The following ARSB variants were observed in gnomAD, a reference collection of about 807,000 sequenced individuals.
ARSB encodes the protein N-acetylgalactosamine-4-sulfatase.
Under a neutral mutation model 50.9 loss-of-function variants are expected in ARSB, and 41 were observed. The ratio of observed to expected loss-of-function variants is 0.81; its 90% CI spans 0.63 to 1.04. The LOEUF is 1.04. ARSB is among the 50% of genes least tolerant of loss of function. ARSB has a pLI of 0.00. For missense variants in ARSB, 672 were observed against 693.3 expected (o/e 0.97, Z 0.35); for synonymous variants, 269 against 284.8 (o/e 0.94, Z 0.56).
At chr5:78,889,887 C>T (rs999210801) in intron 4 of ARSB, among the ~76,000 whole-genome samples, 5 of 152,182 alleles carry the variant, frequency 3.3e-5, no homozygotes, top group African/African-American at 9.7e-5. Flanking sequence ...CTGGGGCTTA[C>T]CCTAGTCATC....
At chr5:78,935,503 G>A (rs1317486670) in intron 4 of ARSB, among the ~76,000 whole-genome samples, 2 of 152,190 alleles carry the variant, frequency 1.3e-5, no homozygotes, top group Admixed American at 1.3e-4. Context: ...CGTGGCAGGT[G>A]TGCCGCTGAT....
chr5:78,872,936 G>A (rs1006444691), intron 5 of ARSB, among the ~76,000 whole-genome samples: 11 of 151,766 alleles, frequency 7.2e-5, no homozygotes, highest in East Asian at 1.9e-4. Context: ...CCACTCCTAC[G>A]GATTGCCTGC....
In ARSB at chr5:78,871,148, G is replaced by A. The variant is rs554775520; in HGVS notation, c.1142+14436C>T. On this transcript the variant is annotated intron_variant, in intron 5 of 7. Coordinates refer to ENST00000264914, the MANE Select transcript of ARSB (RefSeq NM_000046.5). Reference sequence around the variant, plus strand: ...TCTTCAAGGAGAACTACAAACCACTGCTCAAGGAAATAAAAGAGGATACAA... The same window carrying A: ...TCTTCAAGGAGAACTACAAACCACTACTCAAGGAAATAAAAGAGGATACAA... Among the ~76,000 whole-genome samples the A allele has an allele frequency of 1.7e-4, 26 of 149,630 alleles. No homozygotes were observed. In the South Asian group the frequency reaches 5.7e-3, roughly 33 times the overall value.
chr5:78,985,368 G>A (rs1239737298), upstream of ARSB: 1 of 1,044,490 alleles, frequency 9.6e-7, no homozygotes, highest in East Asian at 3.5e-5. Context: ...CCCCCAGCGG[G>A]CCGTGGGCTT....
chr5:78,871,345 C>A (rs1386759249), intron 5 of ARSB, among the ~76,000 whole-genome samples: 1 of 151,960 alleles, frequency 6.6e-6, no homozygotes, highest in East Asian at 1.9e-4. Flanking sequence ...CAAAAAAGAG[C>A]CCTCATTGCC....
intron 4 of ARSB, among the ~76,000 whole-genome samples, chr5:78,940,648 C>G (rs936032287): frequency 1.3e-5 from 2 of 152,190 alleles, no homozygotes; most frequent in African/African-American, 4.8e-5. Flanking sequence ...GTCTATATCT[C>G]TGTTTTGGTA....
At chr5:78,878,107 G>C (rs1353246607) in intron 5 of ARSB, among the ~76,000 whole-genome samples, 1 of 152,096 alleles carries the variant, frequency 6.6e-6, no homozygotes. Flanking sequence ...TAAATAAAAA[G>C]AGCATTAGTA....
intron 6 of ARSB, among the ~76,000 whole-genome samples, chr5:78,789,783 G>C (rs1051403703): frequency 9.2e-5 from 14 of 152,122 alleles, no homozygotes; most frequent in African/African-American, 3.4e-4. Flanking sequence ...TTAAGCACTT[G>C]GTGTCTAATT....
intron 2 of ARSB, 47 bp from the exon 3 acceptor site, chr5:78,964,653 TAAAC>T (rs1235337151): frequency 3.2e-6 from 5 of 1,554,990 alleles, no homozygotes; most frequent in Non-Finnish European, 4.4e-6. Flanking sequence ...TAAAACTTGT[TAAAC>T]AAACTAATGT....
chr5:78,964,710 G>T, intron 2 of ARSB, 104 bp from the exon 3 acceptor site: 1 of 1,096,100 alleles, frequency 9.1e-7, no homozygotes, highest in Non-Finnish European at 1.4e-6. Flanking sequence ...CCCGTGACGA[G>T]GCTAATCAAA....
intron 4 of ARSB, among the ~76,000 whole-genome samples, chr5:78,886,721 T>C (rs1490637468): frequency 1.3e-5 from 2 of 151,974 alleles, no homozygotes; most frequent in Non-Finnish European, 2.9e-5. Context: ...CAGATTTAGG[T>C]GACTTTAGAG....
At chr5:78,845,639 G>C (rs1285482726) in intron 5 of ARSB, among the ~76,000 whole-genome samples, 1 of 151,990 alleles carries the variant, frequency 6.6e-6, no homozygotes, top group African/African-American at 2.4e-5. Context: ...GTGATGTTGA[G>C]CATTTTTAAA....
At chr5:78,919,093 GAGA>G (rs1749689463) in intron 4 of ARSB, among the ~76,000 whole-genome samples, 2 of 152,220 alleles carry the variant, frequency 1.3e-5, no homozygotes, top group Non-Finnish European at 2.9e-5. Flanking sequence ...TCCAATCTGA[GAGA>G]AGAAGGTGGA....
At chr5:78,928,305 CTTTT>C (rs34737292) in intron 4 of ARSB, among the ~76,000 whole-genome samples, 14,292 of 72,170 alleles carry the variant, frequency 0.2, 2,577 homozygotes, top group East Asian at 0.44. Context: ...TTTGCTTTTG[CTTTT>C]TTTTTTTTTT....
At chr5:78,795,367 G>T (rs1312197287) in intron 6 of ARSB, among the ~76,000 whole-genome samples, 1 of 152,174 alleles carries the variant, frequency 6.6e-6, no homozygotes, top group Non-Finnish European at 1.5e-5. Context: ...AGGTACATGT[G>T]GGGAGTGAGG....
At chr5:78,960,580 T>C (rs7704110) in intron 3 of ARSB, among the ~76,000 whole-genome samples, 40,307 of 152,048 alleles carry the variant, frequency 0.27, 6,650 homozygotes, top group African/African-American at 0.47. Flanking sequence ...TGTTTGTTTT[T>C]CTTGAGATGG....
rs1748859136 is a variant in ARSB at position 78,779,332 on chromosome 5, T to A, written c.*1065A>T. ...TCCTCTGCTTTACCAAGGCCCAGTA[T>A]CCCAGACACTGGCCACTTGCTTTTT... On this transcript the variant is annotated 3_prime_UTR_variant, in exon 8 of 8. Coordinates refer to ENST00000264914, the MANE Select transcript of ARSB (RefSeq NM_000046.5). The A allele has an allele frequency of 1.3e-5, 2 of 152,282 alleles. No homozygotes were observed. The highest frequency in any genetic ancestry group is 1.9e-4 in the East Asian group (1 of 5,186). 9.4% of individuals were successfully genotyped at this position (152,282 alleles called of 1,614,324 possible).
chr5:78,851,700 T>A (rs1457893340), intron 5 of ARSB, among the ~76,000 whole-genome samples: 1 of 152,220 alleles, frequency 6.6e-6, no homozygotes, highest in Non-Finnish European at 1.5e-5. Flanking sequence ...AGTCTAAGTC[T>A]CTTTGTAGGT....
rs563211572 is a variant in ARSB at position 78,798,596 on chromosome 5, G to A, written c.1214-16622C>T. On this transcript the variant is annotated intron_variant, in intron 6 of 7. Coordinates refer to ENST00000264914, the MANE Select transcript of ARSB (RefSeq NM_000046.5). Reference sequence around the variant, plus strand: ...AGGCTGAGCTCACCCTGTGTTGTACGGTTCATATTCCGGTGTGCAGGAAAG... The same window carrying A: ...AGGCTGAGCTCACCCTGTGTTGTACAGTTCATATTCCGGTGTGCAGGAAAG... 5.3e-5 allele frequency among the ~76,000 whole-genome samples: 8 copies of A among 152,238 alleles called. No individual in the cohort carries two copies. In the East Asian group the frequency reaches 1.2e-3, roughly 22 times the overall value.
Sources: gnomAD v4.1 joint callset for allele counts (sites outside exome capture counted in the v4.1 genomes callset) on GRCh38, gnomAD v4.1.1 for gene constraint, MANE v1.5 for transcripts, NCBI Gene and HGNC (gene_info 2026-07-23, HGNC 2026-07-21) for gene names.